GOT1: variants seen among roughly 807,000 people sequenced by gnomAD.
The protein encoded by GOT1 is glutamic-oxaloacetic transaminase 1, also known as aspartate aminotransferase, cytoplasmic.
A neutral mutation model predicts 48.2 loss-of-function variants in GOT1; 25 were observed. That is an observed-to-expected ratio of 0.52 (90% CI 0.38 to 0.72). The LOEUF (loss-of-function observed/expected upper bound fraction) is 0.72, where lower values mean the gene tolerates loss of function less well. Among genes scored for constraint, GOT1 ranks in the 30% least tolerant of loss-of-function variants. GOT1 has a pLI of 0.00. For missense variants in GOT1, 380 were observed against 520.1 expected (o/e 0.73, Z 2.62); for synonymous variants, 188 against 193.8 (o/e 0.97, Z 0.25).
At chr10:99,429,502 C>T (rs1158918840) in intron 1 of GOT1, among the ~76,000 whole-genome samples, 1 of 152,138 alleles carries the variant, frequency 6.6e-6, no homozygotes, top group Non-Finnish European at 1.5e-5. Context: ...AAGTCTATTA[C>T]CTAGCATAAG....
At position 99,420,577 on chromosome 10, in the gene GOT1, T is replaced by G. The variant is rs543636949; in HGVS notation, c.300+47A>C. On this transcript the variant is annotated intron_variant, in intron 2 of 8. Transcript: ENST00000370508. ...AACAAACTGTATTCTCAACATCTTT[T>G]TACTTTCAGTTTCTAAAGAGAAAAT... 118 of 1,383,842 alleles carry G rather than the reference T, an allele frequency of 8.5e-5. 2 individuals are homozygous for G. In the South Asian group the frequency reaches 1.0e-3, roughly 12 times the overall value. 85.7% of individuals were successfully genotyped at this position (1,383,842 alleles called of 1,614,324 possible).
chr10:99,408,896 A>C (rs1302970132), intron 2 of GOT1, among the ~76,000 whole-genome samples: 1 of 152,112 alleles, frequency 6.6e-6, no homozygotes, highest in African/African-American at 2.4e-5. Context: ...AAAATTTTAC[A>C]ATTTCAAACA....
intron 1 of GOT1, among the ~76,000 whole-genome samples, chr10:99,427,476 A>C (rs1274832532): frequency 2.6e-5 from 4 of 152,130 alleles, no homozygotes; most frequent in African/African-American, 9.7e-5. Flanking sequence ...TCACCGTGTT[A>C]GCCAGGATGG....
Position 99,430,543 on chromosome 10 carries a change from G to A in GOT1, c.23C>T (p.Ala8Val), listed in dbSNP as rs1364980566. 6.2e-7 allele frequency: 1 copy of A among 1,606,134 alleles called. No individual in the cohort carries two copies. Among genetic ancestry groups the A allele is most frequent in the Non-Finnish European group, 8.5e-7 (1 of 1,175,768 alleles). Residue 8 changes from alanine (A) to valine (V), a missense_variant, in exon 1 of 9, where the codon GCC (alanine) becomes GTC (valine). Transcript: ENST00000370508. MAPPSVF[A>V]EVPQAQPVLV... ...GACAGGCTGGGCCTGCGGAACCTCG[G>A]CAAAGACTGACGGAGGTGCCATATC...
chr10:99,402,571 G>A lies in GOT1; in HGVS notation c.1102+9C>T, dbSNP rs932321289. 3 of 1,613,976 alleles carry A rather than the reference G, an allele frequency of 1.9e-6. No homozygotes were observed. In the Admixed American group the frequency reaches 5.0e-5, roughly 27 times the overall value. ...CACGCATGGGCTGGAGGTGGTGGGG[G>A]CCACTTACGGTTCAACCCAGTGAAG... On this transcript the variant is annotated intron_variant, in intron 8 of 8. Transcript: ENST00000370508.
chr10:99,405,620 G>T, intron 5 of GOT1, 136 bp downstream of exon 5: 1 of 598,088 alleles, frequency 1.7e-6, no homozygotes, highest in Non-Finnish European at 3.0e-6. Flanking sequence ...AAAATTTACA[G>T]TTAATACTTA....
intron 2 of GOT1, among the ~76,000 whole-genome samples, chr10:99,417,934 G>A (rs138974337): frequency 0.021 from 3,155 of 152,058 alleles, 106 homozygotes; most frequent in African/African-American, 0.072. Flanking sequence ...ATAGCATTAG[G>A]AGATATACCT....
At chr10:99,415,992 A>G (rs910725556) in intron 2 of GOT1, among the ~76,000 whole-genome samples, 2 of 152,340 alleles carry the variant, frequency 1.3e-5, no homozygotes, top group Admixed American at 6.5e-5. Flanking sequence ...ATCATACTGA[A>G]TGGGCAAAAA....
chr10:99,406,086 T>G, intron 4 of GOT1, 51 bp downstream of exon 4: 9 of 1,256,246 alleles, frequency 7.2e-6, no homozygotes, highest in South Asian at 1.2e-5. Context: ...AGACTTTGCC[T>G]GAGATTCCTG....
In GOT1 at chr10:99,420,624, C is replaced by T. The variant is rs2134107739; in HGVS notation, c.300G>A (p.Arg100=). The T allele has an allele frequency of 6.2e-7, 1 of 1,604,788 alleles. No homozygotes were observed. Among genetic ancestry groups the T allele is most frequent in the East Asian group, 2.2e-5 (1 of 44,796 alleles). ...AAATACATCCTTACCCAAAACTTAC[C>T]CGCTTCTCCTTGAGTGCTGGGCTGT... ...GDDSPALKEK[R]VGGVQSLGGT... The change falls in exon 2 of 9, where the codon CGG becomes CGA. Residue 100 remains arginine (R), a splice_region_variant and synonymous_variant. Coordinates refer to ENST00000370508, the MANE Select transcript of GOT1 (RefSeq NM_002079.3).
At chr10:99,406,323 C>T (rs551502937) in intron 3 of GOT1, 74 bp from the exon 4 acceptor site, 1 of 1,028,614 alleles carries the variant, frequency 9.7e-7, no homozygotes, top group South Asian at 1.3e-5. Flanking sequence ...TGCAAGTCAG[C>T]TTCCAGGGCC....
At chr10:99,426,614 G>A (rs1406764189) in intron 1 of GOT1, among the ~76,000 whole-genome samples, 1 of 152,226 alleles carries the variant, frequency 6.6e-6, no homozygotes, top group African/African-American at 2.4e-5. Context: ...GCTACAGGTT[G>A]CACCAGGTTG....
chr10:99,413,717 G>A (rs2032856861), intron 2 of GOT1, among the ~76,000 whole-genome samples: 1 of 152,340 alleles, frequency 6.6e-6, no homozygotes, highest in African/African-American at 2.4e-5. Flanking sequence ...ACAAAGGGAA[G>A]CCCGTCACAC....
rs1214216465 is a variant in GOT1 at position 99,397,919 on chromosome 10, T to G, written c.1103-233A>C. Among the ~76,000 whole-genome samples, 3 of 152,330 alleles carry G rather than the reference T, an allele frequency of 2.0e-5. No individual in the cohort carries two copies. The highest frequency in any genetic ancestry group is 6.5e-5 in the Admixed American group (1 of 15,300). On this transcript the variant is annotated intron_variant, in intron 8 of 8. Coordinates refer to ENST00000370508, the MANE Select transcript of GOT1 (RefSeq NM_002079.3). The surrounding 1 kb of genome is among the most constrained non-coding windows in gnomAD (Gnocchi z 5.4). ...CCAGAAAATTCAATATGGCTACTAC[T>G]GATGGGAATTTTAATCTGAGATTGC...
At chr10:99,422,038 G>A (rs1256093954) in intron 1 of GOT1, among the ~76,000 whole-genome samples, 4 of 152,198 alleles carry the variant, frequency 2.6e-5, no homozygotes, top group Non-Finnish European at 5.9e-5. Context: ...GTCAGGAGTA[G>A]ACTGATATAG....
chr10:99,422,910 G>T (rs2032989335), intron 1 of GOT1, among the ~76,000 whole-genome samples: 1 of 152,194 alleles, frequency 6.6e-6, no homozygotes, highest in South Asian at 2.1e-4. Context: ...CATTTGAGTT[G>T]TTTACAATCT....
chr10:99,419,652 G>A (rs1009150564), intron 2 of GOT1, among the ~76,000 whole-genome samples: 1 of 152,170 alleles, frequency 6.6e-6, no homozygotes, highest in East Asian at 1.9e-4. Flanking sequence ...TGAAAGAGAG[G>A]GGAGAAGGGT....
chr10:99,402,893 T>C (rs573143646), intron 7 of GOT1, among the ~76,000 whole-genome samples, 171 bp from the exon 8 acceptor site: 1 of 152,242 alleles, frequency 6.6e-6, no homozygotes, highest in Admixed American at 6.5e-5. Context: ...AGAGAGAGAC[T>C]TAGGGGGCAG....
chr10:99,402,536 T>A (rs750713462), intron 8 of GOT1, 44 bp downstream of exon 8: 1 of 1,605,836 alleles, frequency 6.2e-7, no homozygotes, highest in Non-Finnish European at 8.5e-7. Flanking sequence ...GAATGTTGTG[T>A]GTCTACATGC....
Sources: gnomAD v4.1 joint callset for allele counts (sites outside exome capture counted in the v4.1 genomes callset) on GRCh38, gnomAD v4.1.1 for gene constraint, Gnocchi (gnomAD v3.1) non-coding constraint, MANE v1.5 for transcripts, NCBI Gene and HGNC (gene_info 2026-07-23, HGNC 2026-07-21) for gene names.